The following FAM193A variants were observed in gnomAD, a reference collection of about 807,000 sequenced individuals.
FAM193A encodes protein FAM193A.
A neutral mutation model predicts 126.5 loss-of-function variants in FAM193A; 22 were observed. That is an observed-to-expected ratio of 0.17 (90% CI 0.12 to 0.25). The LOEUF is 0.25. Ranked by LOEUF, FAM193A falls within the 10% of genes least tolerant of loss-of-function variation. The pLI is 1.00. For synonymous variants in FAM193A, 761 were observed against 646.8 expected (o/e 1.18, Z -2.68); for missense variants, 1,675 against 1,672.8 (o/e 1.00, Z -0.02).
intron 20 of FAM193A, among the ~76,000 whole-genome samples, chr4:2,728,895 ACTTTTTTTTTTTT>A (rs1321758435): frequency 9.5e-6 from 1 of 105,710 alleles, no homozygotes; most frequent in Non-Finnish European, 1.8e-5. Context: ...CACCTCCAAA[ACTTTTTTTTTTTT>A]TTTTTTTTTT....
chr4:2,573,662 G>T (rs1314661594), intron 1 of FAM193A, among the ~76,000 whole-genome samples: 1 of 152,152 alleles, frequency 6.6e-6, no homozygotes, highest in Non-Finnish European at 1.5e-5. Flanking sequence ...TTGTGCGTTT[G>T]TTCCAGGAGT....
intron 7 of FAM193A, among the ~76,000 whole-genome samples, chr4:2,657,566 C>G (rs570684515): frequency 9.8e-4 from 149 of 152,248 alleles, no homozygotes; most frequent in Non-Finnish European, 1.8e-3. Flanking sequence ...CTTGATTTCT[C>G]TTTTTACTGT....
intron 19 of FAM193A, among the ~76,000 whole-genome samples, chr4:2,702,936 T>G (rs1002270646): frequency 1.3e-5 from 2 of 152,230 alleles, no homozygotes; most frequent in African/African-American, 4.8e-5. Context: ...TTTCCATTTG[T>G]GTTCCATTTG....
At chr4:2,549,850 C>A (rs1481101566) in intron 1 of FAM193A, among the ~76,000 whole-genome samples, 1 of 151,916 alleles carries the variant, frequency 6.6e-6, no homozygotes. Context: ...GCCTCACCCT[C>A]CCAAGTAGCT....
chr4:2,539,710 C>G (rs974245192), intron 1 of FAM193A, among the ~76,000 whole-genome samples: 26 of 152,104 alleles, frequency 1.7e-4, no homozygotes, highest in African/African-American at 6.3e-4. Flanking sequence ...CCTGGCCTAT[C>G]AAGGTTTTTG....
At chr4:2,535,518 CCT>C (rs375683330), upstream of FAM193A, among the ~76,000 whole-genome samples, 659 of 152,340 alleles carry the variant, frequency 4.3e-3, 3 homozygotes, top group African/African-American at 0.015. Flanking sequence ...GTCCTTTGTG[CCT>C]CTGTGTCTGT....
At chr4:2,633,572 A>G (rs1451933760) in intron 5 of FAM193A, among the ~76,000 whole-genome samples, 1 of 151,738 alleles carries the variant, frequency 6.6e-6, no homozygotes, top group Non-Finnish European at 1.5e-5. Flanking sequence ...TCCTTCCTCC[A>G]AGGGAAACAA....
rs1468337114 is a variant in FAM193A at position 2,596,236 on chromosome 4, C to T, written c.408C>T (p.Gly136=). 1.4e-6 allele frequency: 1 copy of T among 702,894 alleles called. No homozygotes were observed. Among genetic ancestry groups the T allele is most frequent in the East Asian group, 2.7e-5 (1 of 37,302 alleles). 43.5% of individuals were successfully genotyped at this position (702,894 alleles called of 1,614,324 possible). A position where few individuals can be genotyped will look rare whatever the true frequency, so the allele number is the denominator to read the frequency against. ...SKLALSMAPK[G]NSVLHLPLWV... is the part of the protein sequence containing the mutation. Reference sequence around the variant, plus strand: ...TGGCCCTTTCCATGGCTCCCAAGGGCAACAGCGTGCTGCACCTGCCACTGT... The same window carrying T: ...TGGCCCTTTCCATGGCTCCCAAGGGTAACAGCGTGCTGCACCTGCCACTGT... Residue 136 remains glycine, a synonymous_variant, in exon 2 of 21, where the codon GGC becomes GGT. Coordinates refer to ENST00000637812, the MANE Select transcript of FAM193A (RefSeq NM_001366318.2).
chr4:2,644,683 A>G (rs1044011233), intron 6 of FAM193A, among the ~76,000 whole-genome samples: 7 of 152,120 alleles, frequency 4.6e-5, no homozygotes, highest in Non-Finnish European at 8.8e-5. Context: ...AGAGACTGCA[A>G]TAGGTGAGTG....
intron 19 of FAM193A, among the ~76,000 whole-genome samples, chr4:2,711,777 A>G (rs1044361699): frequency 1.3e-5 from 2 of 151,954 alleles, no homozygotes; most frequent in African/African-American, 4.8e-5. Flanking sequence ...AAATACAAAA[A>G]TTAGCTGGAC....
rs34488841 is a variant in FAM193A, at chr4:2,630,131, C to CA, written c.804-788dup. Among the ~76,000 whole-genome samples, 1,033 of 107,922 alleles carry CA rather than the reference C, an allele frequency of 9.6e-3. 11 individuals carry two copies. Among genetic ancestry groups the CA allele is most frequent in the East Asian group, 0.068 (252 of 3,686 alleles). 70.8% of individuals were successfully genotyped at this position (107,922 alleles called of 152,430 possible). ...TGGGCGACAGAGTGAGACTCCATCTCAAAAAAAAAAAAAAAATGTGGATTA... is the reference window on the plus strand; with the variant it reads ...TGGGCGACAGAGTGAGACTCCATCTCAAAAAAAAAAAAAAAAATGTGGATTA... On this transcript the variant is annotated intron_variant, in intron 4 of 20. Transcript: ENST00000637812.
chr4:2,568,374 G>A (rs769178970), intron 1 of FAM193A, among the ~76,000 whole-genome samples: 1 of 152,136 alleles, frequency 6.6e-6, no homozygotes, highest in Non-Finnish European at 1.5e-5. Flanking sequence ...AATGTCAGTG[G>A]CTGGACATGG....
At chr4:2,697,858 C>T (rs905093927) in intron 18 of FAM193A, among the ~76,000 whole-genome samples, 4 of 152,146 alleles carry the variant, frequency 2.6e-5, no homozygotes, top group Admixed American at 6.5e-5. Flanking sequence ...GGGGTACCCA[C>T]GATGGTCCAA....
chr4:2,633,796 G>A (rs1011056031), intron 5 of FAM193A, among the ~76,000 whole-genome samples: 3 of 152,192 alleles, frequency 2.0e-5, no homozygotes, highest in Non-Finnish European at 4.4e-5. Flanking sequence ...GGGAGGCTGA[G>A]GCAGGAGAAT....
At chr4:2,591,254 G>C (rs1015287234) in intron 1 of FAM193A, among the ~76,000 whole-genome samples, 2 of 152,112 alleles carry the variant, frequency 1.3e-5, no homozygotes, top group Non-Finnish European at 2.9e-5. Flanking sequence ...CCACATAGTT[G>C]GTTGGGGCGG....
chr4:2,684,543 G>A (rs1194149207), intron 13 of FAM193A, among the ~76,000 whole-genome samples: 3 of 152,034 alleles, frequency 2.0e-5, no homozygotes, highest in Admixed American at 2.0e-4. Context: ...TCCTTTTGCG[G>A]ATGGAGTATA....
At chr4:2,556,765 C>T (rs1738285732) in intron 1 of FAM193A, among the ~76,000 whole-genome samples, 2 of 152,108 alleles carry the variant, frequency 1.3e-5, no homozygotes, top group African/African-American at 4.8e-5. Flanking sequence ...TTGTTGTTTT[C>T]TTGAGGAAAT....
At chr4:2,616,987 G>A (rs1185560507) in intron 2 of FAM193A, among the ~76,000 whole-genome samples, 4 of 146,050 alleles carry the variant, frequency 2.7e-5, no homozygotes, top group African/African-American at 7.4e-5. Flanking sequence ...TGAGCAACAC[G>A]AAGAAACCCC....
At chr4:2,692,866 G>A (rs1716558972) in intron 15 of FAM193A, among the ~76,000 whole-genome samples, 1 of 148,928 alleles carries the variant, frequency 6.7e-6, no homozygotes, top group Non-Finnish European at 1.5e-5. Flanking sequence ...AGGGAGGGAG[G>A]GAAAGAAAGA....
Sources: allele counts gnomAD v4.1 joint callset (sites outside exome capture counted in the v4.1 genomes callset), GRCh38; gene constraint gnomAD v4.1.1; transcripts MANE v1.5; gene names NCBI Gene and HGNC (gene_info 2026-07-23, HGNC 2026-07-21).